The following GUCY1A2 variants were observed in gnomAD, a reference collection of about 807,000 sequenced individuals.
GUCY1A2 encodes the protein guanylate cyclase soluble subunit alpha-2.
A neutral mutation model predicts 63.5 loss-of-function variants in GUCY1A2; 27 were observed. The observed-to-expected ratio is 0.43, with a 90% confidence interval of 0.31 to 0.59. The LOEUF (loss-of-function observed/expected upper bound fraction) is 0.59. Ranked by LOEUF, GUCY1A2 falls within the 20% of genes least tolerant of loss-of-function variation. The pLI is 0.11. For synonymous variants in GUCY1A2, 364 were observed against 343.5 expected (o/e 1.06, Z -0.66); for missense variants, 768 against 913.3 (o/e 0.84, Z 2.05).
At chr11:106,871,030 T>G (rs193148922) in intron 4 of GUCY1A2, among the ~76,000 whole-genome samples, 16 of 152,150 alleles carry the variant, frequency 1.1e-4, no homozygotes, top group Middle Eastern at 3.4e-3. Flanking sequence ...TGTCCATATT[T>G]CCAGTGTCTA....
At chr11:106,758,086 T>A (rs191689893) in intron 6 of GUCY1A2, among the ~76,000 whole-genome samples, 2 of 152,330 alleles carry the variant, frequency 1.3e-5, no homozygotes, top group Admixed American at 1.3e-4. Flanking sequence ...TCAGCCTTGC[T>A]GAGCTGCGGT....
At chr11:106,845,879 G>A (rs916639480) in intron 4 of GUCY1A2, among the ~76,000 whole-genome samples, 1 of 151,552 alleles carries the variant, frequency 6.6e-6, no homozygotes, top group East Asian at 1.9e-4. Context: ...AATTACCAAA[G>A]GAAAGTTTTC....
At chr11:106,741,178 T>C (rs1287135360) in intron 6 of GUCY1A2, among the ~76,000 whole-genome samples, 1 of 152,274 alleles carries the variant, frequency 6.6e-6, no homozygotes, top group African/African-American at 2.4e-5. Context: ...TTTTATTTAA[T>C]ACATTCAAAG....
At chr11:106,813,357 C>G (rs1430377058) in intron 4 of GUCY1A2, among the ~76,000 whole-genome samples, 1 of 151,732 alleles carries the variant, frequency 6.6e-6, no homozygotes, top group Non-Finnish European at 1.5e-5. Context: ...TTCATTATTT[C>G]TTTTTTCATT....
At chr11:106,742,107 G>A (rs1038747281) in intron 6 of GUCY1A2, among the ~76,000 whole-genome samples, 2 of 152,060 alleles carry the variant, frequency 1.3e-5, no homozygotes, top group African/African-American at 4.8e-5. Flanking sequence ...AGTTCATGTT[G>A]TTATCAAAAT....
rs1862408900 is a variant in GUCY1A2 at position 106,680,135 on chromosome 11, C to G, written c.*7414G>C. 1 of 214,798 alleles carries G rather than the reference C, an allele frequency of 4.7e-6. No homozygotes were observed. Among genetic ancestry groups the G allele is most frequent in the Non-Finnish European group, 9.4e-6 (1 of 106,582 alleles). The allele number at this position is 214,798 out of a possible 1,614,324, so 13.3% of individuals were successfully genotyped here. On this transcript the variant is annotated 3_prime_UTR_variant, in exon 8 of 8. Coordinates refer to ENST00000526355, the MANE Select transcript of GUCY1A2 (RefSeq NM_000855.3). The stretch of plus-strand genomic sequence containing the variant: ...GCTTCATCTCTTCTAAAGCTCCTGC[C>G]CACCTCACTCACTCCATTTGTCCCT...
intron 6 of GUCY1A2, among the ~76,000 whole-genome samples, chr11:106,744,206 A>C (rs529091074): frequency 2.0e-5 from 3 of 152,210 alleles, no homozygotes; most frequent in African/African-American, 7.2e-5. Context: ...TAGTATAGCA[A>C]ATATCTTTCT....
chr11:106,955,316 T>C (rs1860968801), intron 3 of GUCY1A2, among the ~76,000 whole-genome samples: 2 of 152,196 alleles, frequency 1.3e-5, no homozygotes, highest in Non-Finnish European at 2.9e-5. Context: ...TACATTAGTA[T>C]TGTTATGTGT....
At chr11:106,777,247 G>A (rs1013005675) in intron 5 of GUCY1A2, among the ~76,000 whole-genome samples, 9 of 151,974 alleles carry the variant, frequency 5.9e-5, no homozygotes, top group Admixed American at 2.0e-4. Flanking sequence ...TCAGCATATC[G>A]AGACCATCCT....
At chr11:106,716,789 AAAAAAG>A (rs1863222973) in intron 6 of GUCY1A2, among the ~76,000 whole-genome samples, 1 of 148,184 alleles carries the variant, frequency 6.7e-6, no homozygotes, top group Non-Finnish European at 1.5e-5. Context: ...AAAAAAAAAA[AAAAAAG>A]ATAAGAGTAA....
chr11:106,861,263 G>T (rs941382016), intron 4 of GUCY1A2, among the ~76,000 whole-genome samples: 1 of 151,478 alleles, frequency 6.6e-6, no homozygotes, highest in Non-Finnish European at 1.5e-5. Context: ...ACTGAGGAAA[G>T]AAGAGAAATG....
At position 106,679,843 on chromosome 11, in the gene GUCY1A2, GA is replaced by G. The variant is rs1321481285; in HGVS notation, c.*7705del. ...AGACTAGTTCTATCTGCCACCTTCA[GA>G]AAGCATCTATTTGTAGCTCTGTAAG... is the stretch of plus-strand genomic sequence containing the variant. On this transcript the variant is annotated 3_prime_UTR_variant, in exon 8 of 8. Coordinates refer to ENST00000526355, the MANE Select transcript of GUCY1A2 (RefSeq NM_000855.3). 2.3e-5 allele frequency: 5 copies of G among 217,742 alleles called. No individual in the cohort carries two copies. The highest frequency in any genetic ancestry group is 1.1e-4 in the African/African-American group (5 of 44,406). The allele number at this position is 217,742 out of a possible 1,614,324, so 13.5% of individuals were successfully genotyped here. A position where few individuals can be genotyped will look rare whatever the true frequency, so the allele number is the denominator to read the frequency against.
rs1229745436 is a variant in GUCY1A2, at chr11:106,810,299, T to C, written c.1386A>G (p.Gln462=). Residue 462 remains glutamine, a synonymous_variant, in exon 5 of 8, where the codon CAA becomes CAG. Coordinates refer to ENST00000526355, the MANE Select transcript of GUCY1A2 (RefSeq NM_000855.3). ...TATCCATCCTTTTCTTCAACCCATC[T>C]TGGGCCTTTGCCTGCTCACCAACCA... The part of the protein sequence containing the change: ...VILVGEQAKA[Q]DGLKKRMDKL... The C allele has an allele frequency of 1.9e-6, 3 of 1,613,930 alleles. No individual in the cohort carries two copies. The highest frequency in any genetic ancestry group is 1.7e-5 in the Admixed American group (1 of 59,932).
intron 4 of GUCY1A2, among the ~76,000 whole-genome samples, chr11:106,888,965 TAGA>T (rs1166292205): frequency 2.6e-5 from 4 of 151,982 alleles, no homozygotes; most frequent in Non-Finnish European, 5.9e-5. Context: ...AGGTACAACT[TAGA>T]AGGTTATAGG....
rs1413402333 is a variant in GUCY1A2 at position 106,677,447 on chromosome 11, G to A, written c.*10102C>T. 4.8e-6 allele frequency: 1 copy of A among 208,002 alleles called. No homozygotes were observed. Among genetic ancestry groups the A allele is most frequent in the East Asian group, 7.2e-5 (1 of 13,878 alleles). 12.9% of individuals were successfully genotyped at this position (208,002 alleles called of 1,614,324 possible). A position where few individuals can be genotyped will look rare whatever the true frequency, so the allele number is the denominator to read the frequency against. ...ATATACTAATGTTTAATTAGATAATGCAGCAAATATTGATTGAAGACATAA... is the reference window on the plus strand; with the variant it reads ...ATATACTAATGTTTAATTAGATAATACAGCAAATATTGATTGAAGACATAA... On this transcript the variant is annotated 3_prime_UTR_variant, in exon 8 of 8. Transcript: ENST00000526355.
At chr11:106,817,553 G>A (rs2135428341) in intron 4 of GUCY1A2, among the ~76,000 whole-genome samples, 1 of 152,142 alleles carries the variant, frequency 6.6e-6, no homozygotes, top group East Asian at 1.9e-4. Flanking sequence ...AACATCAACA[G>A]TGTGAAGAAA....
rs985601717 is a variant in GUCY1A2, at chr11:106,985,634, A to G, written c.365+436T>C. 2.0e-5 allele frequency among the ~76,000 whole-genome samples: 3 copies of G among 152,226 alleles called. No individual in the cohort carries two copies. In the South Asian group the frequency reaches 6.2e-4, roughly 31 times the overall value. On this transcript the variant is annotated intron_variant, in intron 2 of 7. Coordinates refer to ENST00000526355, the MANE Select transcript of GUCY1A2 (RefSeq NM_000855.3). ...TAGATGATAATAAAGAAAAATATGT[A>G]GCACGTGACTCTAAGTAAACTAATT...
chr11:106,697,774 A>G (rs982978101), intron 7 of GUCY1A2, among the ~76,000 whole-genome samples: 7 of 152,202 alleles, frequency 4.6e-5, no homozygotes, highest in Non-Finnish European at 7.3e-5. Context: ...TTCAAGGCAC[A>G]GTATTAACCA....
At chr11:106,751,849 C>T (rs1180502547) in intron 6 of GUCY1A2, among the ~76,000 whole-genome samples, 4 of 152,060 alleles carry the variant, frequency 2.6e-5, no homozygotes, top group Admixed American at 2.6e-4. Context: ...AAAGAATTAA[C>T]AAACGTATAT....
Sources: gnomAD v4.1 joint callset for allele counts (sites outside exome capture counted in the v4.1 genomes callset) on GRCh38, gnomAD v4.1.1 for gene constraint, MANE v1.5 for transcripts, NCBI Gene and HGNC (gene_info 2026-07-23, HGNC 2026-07-21) for gene names.